The following SPATS2 variants were observed in gnomAD, a reference collection of about 807,000 sequenced individuals.
SPATS2 encodes spermatogenesis associated serine rich 2, also known as spermatogenesis-associated serine-rich protein 2.
Under a neutral mutation model 63.7 loss-of-function variants are expected in SPATS2, and 38 were observed. The ratio of observed to expected loss-of-function variants is 0.60; its 90% CI spans 0.46 to 0.78. The LOEUF is 0.78. Ranked by LOEUF, SPATS2 falls within the 30% of genes least tolerant of loss-of-function variation. The pLI is 0.00. For synonymous variants in SPATS2, 207 were observed against 232.9 expected, an observed-to-expected ratio of 0.89 and a Z score of 1.01; for missense variants, 588 against 666.2, an observed-to-expected ratio of 0.88 and a Z score of 1.29.
chr12:49,497,774 C>G (rs1452257692), intron 8 of SPATS2, among the ~76,000 whole-genome samples: 1 of 151,856 alleles, frequency 6.6e-6, no homozygotes, highest in Non-Finnish European at 1.5e-5. Flanking sequence ...CTGACAGACT[C>G]TAGCTTAGAA....
chr12:49,412,980 T>G (rs1944824122), intron 2 of SPATS2, among the ~76,000 whole-genome samples: 1 of 152,058 alleles, frequency 6.6e-6, no homozygotes, highest in South Asian at 2.1e-4. Context: ...AGCTAGTATT[T>G]GATGTTAATT....
chr12:49,494,675 C>T, intron 6 of SPATS2, 66 bp from the exon 7 acceptor site: 1 of 1,406,184 alleles, frequency 7.1e-7, no homozygotes, highest in South Asian at 1.6e-5. Flanking sequence ...CTAGAGTTAC[C>T]TCTCTAGGTT....
intron 1 of SPATS2, among the ~76,000 whole-genome samples, chr12:49,369,390 T>C (rs1943960987): frequency 6.6e-6 from 1 of 152,206 alleles, no homozygotes; most frequent in Non-Finnish European, 1.5e-5. Context: ...TTTTTGTATG[T>C]ATTATCTCAT....
chr12:49,437,643 A>T (rs1458711171), intron 2 of SPATS2, among the ~76,000 whole-genome samples: 1 of 152,228 alleles, frequency 6.6e-6, no homozygotes, highest in Non-Finnish European at 1.5e-5. Context: ...CCCGGCCAAC[A>T]CAGCGAAACC....
intron 3 of SPATS2, among the ~76,000 whole-genome samples, chr12:49,478,934 C>T (rs980246584): frequency 3.2e-4 from 48 of 152,018 alleles, no homozygotes; most frequent in Admixed American, 3.1e-3. Flanking sequence ...AGCGGAGACC[C>T]GCAGTGGGTA....
intron 2 of SPATS2, among the ~76,000 whole-genome samples, chr12:49,417,437 G>A (rs1245551946): frequency 6.6e-6 from 1 of 152,206 alleles, no homozygotes; most frequent in Non-Finnish European, 1.5e-5. Flanking sequence ...TGTAAAGCAG[G>A]TTAGAAGAGT....
intron 2 of SPATS2, among the ~76,000 whole-genome samples, chr12:49,383,766 C>G (rs1944263757): frequency 6.6e-6 from 1 of 152,118 alleles, no homozygotes; most frequent in African/African-American, 2.4e-5. Flanking sequence ...TTAACCATTT[C>G]CCAATTAATG....
chr12:49,440,107 A>G (rs1357799022), intron 2 of SPATS2, among the ~76,000 whole-genome samples: 1 of 152,186 alleles, frequency 6.6e-6, no homozygotes, highest in Admixed American at 6.5e-5. Context: ...CGTTTGCTTT[A>G]TCATTATTTC....
intron 10 of SPATS2, among the ~76,000 whole-genome samples, chr12:49,514,845 G>A (rs1474162897): frequency 5.9e-5 from 9 of 152,182 alleles, no homozygotes; most frequent in Non-Finnish European, 2.9e-5. Context: ...AGAGTTCAGT[G>A]TATAAGAGAC....
chr12:49,455,489 C>T (rs1945703748), intron 2 of SPATS2, among the ~76,000 whole-genome samples: 2 of 152,196 alleles, frequency 1.3e-5, no homozygotes. Flanking sequence ...CCCTCTGCAG[C>T]CTCAGCTTCC....
chr12:49,498,145 A>AATATATATATATATATATATATATAT (rs1555191172), intron 8 of SPATS2, among the ~76,000 whole-genome samples: 6 of 98,974 alleles, frequency 6.1e-5, no homozygotes, highest in Non-Finnish European at 9.4e-5. Context: ...AAAAAAAAAA[A>AATATATATATATATATATATATATAT]ATATATATAT....
intron 2 of SPATS2, among the ~76,000 whole-genome samples, chr12:49,449,210 T>G (rs1028926547): frequency 5.3e-5 from 8 of 152,082 alleles, no homozygotes; most frequent in African/African-American, 1.7e-4. Context: ...CTGTTTTTTT[T>G]GTTTGTTTGT....
chr12:49,432,109 G>A (rs1043603738), intron 2 of SPATS2, among the ~76,000 whole-genome samples: 3 of 152,164 alleles, frequency 2.0e-5, no homozygotes, highest in African/African-American at 7.2e-5. Context: ...TAGATGTGAG[G>A]GGCCTGTTTG....
Position 49,526,720 on chromosome 12 carries a change from T to C in SPATS2, c.*465T>C, listed in dbSNP as rs1414672880. The C allele has an allele frequency of 1.3e-5, 2 of 156,042 alleles. No homozygotes were observed. The highest frequency in any genetic ancestry group is 1.9e-4 in the East Asian group (1 of 5,220). The allele number at this position is 156,042 out of a possible 1,614,324, so 9.7% of individuals were successfully genotyped here. A position where few individuals can be genotyped will look rare whatever the true frequency, so the allele number is the denominator to read the frequency against. On this transcript the variant is annotated 3_prime_UTR_variant, in exon 14 of 14. Transcript: ENST00000552918. ...TTCGCCAGAGAAGGGAAAATTTAAT[T>C]AGTGAAAAGGAAAGAACACTAGGAA... is the stretch of plus-strand genomic sequence containing the variant.
intron 2 of SPATS2, among the ~76,000 whole-genome samples, chr12:49,449,504 G>A (rs546741766): frequency 4.6e-5 from 7 of 152,256 alleles, no homozygotes; most frequent in Admixed American, 3.3e-4. Flanking sequence ...GTGAGCCACC[G>A]TGCCTGGCCC....
At chr12:49,449,456 C>T (rs1009339181) in intron 2 of SPATS2, among the ~76,000 whole-genome samples, 11 of 152,096 alleles carry the variant, frequency 7.2e-5, no homozygotes, top group Non-Finnish European at 1.2e-4. Flanking sequence ...CCTGATGATC[C>T]GCCTGCCTCA....
chr12:49,498,877 T>C (rs1382291503), intron 8 of SPATS2, among the ~76,000 whole-genome samples: 1 of 146,864 alleles, frequency 6.8e-6, no homozygotes, highest in African/African-American at 2.6e-5. Context: ...CACTGAAACC[T>C]CCGCCTCCCA....
intron 3 of SPATS2, among the ~76,000 whole-genome samples, chr12:49,472,903 G>T (rs558291737): frequency 6.6e-6 from 1 of 151,448 alleles, no homozygotes; most frequent in Non-Finnish European, 1.5e-5. Context: ...GCCAGACGTG[G>T]TGGCGCATGC....
rs148984987 is a variant in SPATS2 at position 49,392,551 on chromosome 12, A to G, written c.-244+21261A>G. Among the ~76,000 whole-genome samples, 213 of 151,826 alleles carry G rather than the reference A, an allele frequency of 1.4e-3. 1 individual carries two copies. The highest frequency in any genetic ancestry group is 4.7e-3 in the African/African-American group (196 of 41,364). Reference sequence around the variant, plus strand: ...AACATGGCGAAACCCTGTCTTTACAAAAAATACAAAAATTGGTCAGGCGTG... The same window carrying G: ...AACATGGCGAAACCCTGTCTTTACAGAAAATACAAAAATTGGTCAGGCGTG... On this transcript the variant is annotated intron_variant, in intron 2 of 13. Coordinates refer to ENST00000552918, the MANE Select transcript of SPATS2 (RefSeq NM_023071.4).
Sources: allele counts gnomAD v4.1 joint callset (sites outside exome capture counted in the v4.1 genomes callset), GRCh38; gene constraint gnomAD v4.1.1; transcripts MANE v1.5; gene names NCBI Gene and HGNC (gene_info 2026-07-23, HGNC 2026-07-21).